IL1RAPL1: variants seen among roughly 807,000 people sequenced by gnomAD.
IL1RAPL1 encodes interleukin-1 receptor accessory protein-like 1.
A neutral mutation model predicts 48.4 loss-of-function variants in IL1RAPL1; 3 were observed. The ratio of observed to expected loss-of-function variants is 0.06; its 90% CI spans 0.03 to 0.16. IL1RAPL1 has a LOEUF of 0.16. Among genes scored for constraint, IL1RAPL1 ranks in the 10% least tolerant of loss-of-function variants. The probability of loss-of-function intolerance (pLI) is 1.00; values close to 1 mark genes in which losing one functional copy is unlikely to be tolerated. For synonymous variants in IL1RAPL1, 185 were observed against 187.7 expected (o/e 0.99, Z 0.12); for missense variants, 349 against 530.6 (o/e 0.66, Z 3.36).
chrX:29,901,973 A>C (rs183887889), intron 6 of IL1RAPL1, among the ~76,000 whole-genome samples: 1 of 112,225 alleles, frequency 8.9e-6, no homozygotes, highest in African/African-American at 3.2e-5. Context: ...CGAAATGAGT[A>C]CAATTATAAG....
At chrX:29,372,773 CTTTTT>C (rs1160543169) in intron 3 of IL1RAPL1, among the ~76,000 whole-genome samples, 2 of 63,484 alleles carry the variant, frequency 3.2e-5, no homozygotes, top group African/African-American at 6.3e-5. Flanking sequence ...GTCTATGTGT[CTTTTT>C]TTTTTTTTTT....
intron 1 of IL1RAPL1, among the ~76,000 whole-genome samples, chrX:28,742,350 C>T (rs1373117910): frequency 9.0e-6 from 1 of 111,496 alleles, no homozygotes; most frequent in Non-Finnish European, 1.9e-5. Context: ...GACAATATAT[C>T]TGCAGTTCAA....
intron 2 of IL1RAPL1, among the ~76,000 whole-genome samples, chrX:29,077,117 G>A (rs190667387): frequency 8.9e-6 from 1 of 112,062 alleles, no homozygotes; most frequent in African/African-American, 3.2e-5. Context: ...ATAATGTATG[G>A]CCTCGAAGGC....
At chrX:29,268,500 G>A (rs2147589405) in intron 2 of IL1RAPL1, among the ~76,000 whole-genome samples, 1 of 111,687 alleles carries the variant, frequency 9.0e-6, no homozygotes, top group South Asian at 3.7e-4. Context: ...TGAAAATTAA[G>A]GAACAATAAA....
rs772220028 is a variant in IL1RAPL1, at chrX:28,859,775, CAAT to C, written c.82+70358_82+70360del. 9.0e-3 allele frequency among the ~76,000 whole-genome samples: 961 copies of C among 107,034 alleles called. 14 individuals carry two copies. The highest frequency in any genetic ancestry group is 0.015 in the Non-Finnish European group (792 of 52,071). The allele number at this position is 107,034 out of a possible 115,157, so 92.9% of individuals were successfully genotyped here. On this transcript the variant is annotated intron_variant, in intron 2 of 10. Coordinates refer to ENST00000378993, the MANE Select transcript of IL1RAPL1 (RefSeq NM_014271.4). ...GTAATAATTATATAATATTGATATA[CAAT>C]AATAATATTTATTACTATTATTGTA... is the stretch of plus-strand genomic sequence containing the variant.
At position 29,617,897 on chromosome X, in the gene IL1RAPL1, C is replaced by T. The variant is rs1013086432; in HGVS notation, c.704-50533C>T. Among the ~76,000 whole-genome samples the T allele has an allele frequency of 3.6e-5, 4 of 111,649 alleles. No homozygotes were observed. The East Asian group carries it at 1.1e-3, about 31-fold the overall frequency. ...TTGAGATTTGATGGAAAGAAATCAGCTCTCAAATAAGAATGGTGTCACCTG... is the reference window on the plus strand; with the variant it reads ...TTGAGATTTGATGGAAAGAAATCAGTTCTCAAATAAGAATGGTGTCACCTG... On this transcript the variant is annotated intron_variant, in intron 5 of 10. Coordinates refer to ENST00000378993, the MANE Select transcript of IL1RAPL1 (RefSeq NM_014271.4).
At chrX:29,480,908 A>G (rs1265833540) in intron 5 of IL1RAPL1, among the ~76,000 whole-genome samples, 1 of 111,615 alleles carries the variant, frequency 9.0e-6, no homozygotes, top group Non-Finnish European at 1.9e-5. Context: ...AAAATCTTTT[A>G]CTTGTTCTAG....
chrX:28,670,711 T>C (rs1238393733), intron 1 of IL1RAPL1, among the ~76,000 whole-genome samples: 1 of 112,215 alleles, frequency 8.9e-6, no homozygotes, highest in Non-Finnish European at 1.9e-5. Context: ...CTCCATATGA[T>C]AACTTTTATA....
At chrX:29,676,806 A>G (rs980157340) in intron 6 of IL1RAPL1, among the ~76,000 whole-genome samples, 15 of 111,832 alleles carry the variant, frequency 1.3e-4, no homozygotes, top group Non-Finnish European at 2.6e-4. Flanking sequence ...GAAGGTTTTG[A>G]TGATAGTCAT....
intron 5 of IL1RAPL1, among the ~76,000 whole-genome samples, chrX:29,543,474 G>C (rs1287532918): frequency 9.1e-6 from 1 of 110,273 alleles, no homozygotes; most frequent in Non-Finnish European, 1.9e-5. Flanking sequence ...CCTAATCTAG[G>C]CTCTCTCCCT....
intron 2 of IL1RAPL1, among the ~76,000 whole-genome samples, chrX:28,794,642 G>T (rs1162425151): frequency 9.0e-6 from 1 of 111,574 alleles, no homozygotes. Context: ...CCTGACAGGG[G>T]ACACCTGTTT....
chrX:29,298,770 A>G (rs932626745), intron 3 of IL1RAPL1, among the ~76,000 whole-genome samples: 3 of 111,974 alleles, frequency 2.7e-5, no homozygotes, highest in African/African-American at 9.7e-5. Flanking sequence ...AGCCTTATAT[A>G]GTAGTGATAC....
intron 3 of IL1RAPL1, among the ~76,000 whole-genome samples, chrX:29,363,663 G>T (rs945710009): frequency 1.6e-4 from 18 of 111,276 alleles, no homozygotes; most frequent in African/African-American, 5.2e-4. Context: ...TGCATCTCGG[G>T]AGGCCTCAGG....
chrX:29,782,088 GTCTGTCTGTCTGTCTATCTATCTA>G (rs1929353260), intron 6 of IL1RAPL1, among the ~76,000 whole-genome samples: 1 of 75,423 alleles, frequency 1.3e-5, no homozygotes, highest in African/African-American at 4.6e-5. Flanking sequence ...CTGTCTGTCT[GTCTGTCTGTCTGTCTATCTATCTA>G]TCTATCTATC....
intron 3 of IL1RAPL1, among the ~76,000 whole-genome samples, chrX:29,341,258 T>C (rs1194610326): frequency 8.9e-6 from 1 of 111,983 alleles, no homozygotes; most frequent in East Asian, 2.8e-4. Context: ...AGCACCTTTG[T>C]AGCCCTGACG....
intron 1 of IL1RAPL1, among the ~76,000 whole-genome samples, chrX:28,709,761 G>A (rs1281445867): frequency 9.0e-6 from 1 of 111,509 alleles, no homozygotes; most frequent in East Asian, 2.8e-4. Flanking sequence ...TAGGAGGTTA[G>A]TTGATGGTAG....
chrX:28,685,969 C>G (rs1935105614), intron 1 of IL1RAPL1, among the ~76,000 whole-genome samples: 2 of 111,704 alleles, frequency 1.8e-5, no homozygotes, highest in Non-Finnish European at 3.8e-5. Flanking sequence ...TCAGTGGCAT[C>G]TTGACACTAA....
At chrX:29,119,501 C>A (rs1928739718) in intron 2 of IL1RAPL1, among the ~76,000 whole-genome samples, 1 of 111,838 alleles carries the variant, frequency 8.9e-6, no homozygotes, top group Non-Finnish European at 1.9e-5. Flanking sequence ...CAACTTTTCT[C>A]AGATCTGTCA....
intron 3 of IL1RAPL1, among the ~76,000 whole-genome samples, chrX:29,338,903 G>A (rs1285969822): frequency 9.0e-6 from 1 of 110,693 alleles, no homozygotes; most frequent in Non-Finnish European, 1.9e-5. Flanking sequence ...TTGATGACAT[G>A]CTTTGATCAC....
Sources: gnomAD v4.1 joint callset for allele counts (sites outside exome capture counted in the v4.1 genomes callset) on GRCh38, gnomAD v4.1.1 for gene constraint, MANE v1.5 for transcripts, NCBI Gene and HGNC (gene_info 2026-07-23, HGNC 2026-07-21) for gene names.